Variants in ICE1 observed in about 807,000 individuals in gnomAD.
ICE1 encodes the protein interactor of little elongation complex ELL subunit 1, also known as little elongation complex subunit 1.
In ICE1, 64 loss-of-function variants were observed where a neutral mutation model predicts 192.7. That is an observed-to-expected ratio of 0.33 (90% CI 0.27 to 0.41). The LOEUF (loss-of-function observed/expected upper bound fraction) is 0.41. Among genes scored for constraint, ICE1 ranks in the 10% least tolerant of loss-of-function variants. The pLI, the probability that ICE1 is intolerant of heterozygous loss-of-function variation, is 1.00. For missense variants in ICE1, 2,708 were observed against 2,696.0 expected (o/e 1.00, Z -0.10); for synonymous variants, 1,010 against 984.5 (o/e 1.03, Z -0.49).
At chr5:5,439,604 G>A (rs1307904762) in intron 3 of ICE1, among the ~76,000 whole-genome samples, 1 of 152,122 alleles carries the variant, frequency 6.6e-6, no homozygotes, top group Non-Finnish European at 1.5e-5. Context: ...TCTATTAGTT[G>A]CATATTGCTT....
intron 14 of ICE1, among the ~76,000 whole-genome samples, chr5:5,467,312 C>T (rs1739016780): frequency 6.6e-6 from 1 of 152,090 alleles, no homozygotes; most frequent in African/African-American, 2.4e-5. Context: ...ACTGACAGGC[C>T]ATAGTCATAT....
chr5:5,444,281 G>A lies in ICE1; in HGVS notation c.387-8G>A, dbSNP rs771548544. 6.4e-6 allele frequency: 10 copies of A among 1,555,608 alleles called. No individual in the cohort carries two copies. The highest frequency in any genetic ancestry group is 4.7e-5 in the East Asian group (2 of 42,406). ...CTTGCCATTTAACTTACACAATTTC[G>A]TTATTAGGAAGAAGAAACTAGAAGC... On this transcript the variant is annotated splice_polypyrimidine_tract_variant and splice_region_variant and intron_variant, in intron 6 of 18. Coordinates refer to ENST00000296564, the MANE Select transcript of ICE1 (RefSeq NM_015325.3).
intron 10 of ICE1, among the ~76,000 whole-genome samples, chr5:5,453,753 T>C (rs1268244289): frequency 6.6e-6 from 1 of 152,232 alleles, no homozygotes; most frequent in South Asian, 2.1e-4. Flanking sequence ...TGTATTAATG[T>C]AGAAAAGCTT....
rs1424368599 is a variant in ICE1, at chr5:5,462,893, T to C, written c.3559T>C (p.Tyr1187His). 1.2e-6 allele frequency: 2 copies of C among 1,609,214 alleles called. No individual in the cohort carries two copies. The highest frequency in any genetic ancestry group is 4.5e-5 in the East Asian group (2 of 44,826). ...MFLESCQLGD[Y>H]SSGDSVSECS... ...TCTTGAGAGCTGTCAGTTAGGGGAT[T>C]ATAGTTCAGGGGACTCTGTTTCTGA... Residue 1187 changes from tyrosine to histidine, a missense_variant, in exon 13 of 19, where the codon TAT becomes CAT. Physicochemically the swap from Tyr to His is moderately conservative, Grantham distance 83. Transcript: ENST00000296564.
At chr5:5,452,235 C>T (rs1229415715) in intron 10 of ICE1, among the ~76,000 whole-genome samples, 26 of 137,740 alleles carry the variant, frequency 1.9e-4, no homozygotes, top group Non-Finnish European at 1.8e-4. Context: ...AGAGTAGGAT[C>T]TGTGAATACT....
At chr5:5,449,062 T>A (rs1368065609) in intron 10 of ICE1, among the ~76,000 whole-genome samples, 1 of 151,832 alleles carries the variant, frequency 6.6e-6, no homozygotes, top group Non-Finnish European at 1.5e-5. Context: ...TCCCAAGCCT[T>A]ACTATTCAAA....
intron 15 of ICE1, among the ~76,000 whole-genome samples, chr5:5,470,907 T>G (rs1739140818): frequency 6.6e-6 from 1 of 151,306 alleles, no homozygotes; most frequent in African/African-American, 2.4e-5. Context: ...TATCTCTAGC[T>G]TTTTTGGAAA....
intron 18 of ICE1, 134 bp from the exon 19 acceptor site, chr5:5,489,015 G>GT (rs1176402217): frequency 2.6e-6 from 2 of 777,328 alleles, no homozygotes; most frequent in Non-Finnish European, 4.0e-6. Flanking sequence ...TTTACTGTGG[G>GT]TTTTTTTATA....
intron 7 of ICE1, among the ~76,000 whole-genome samples, chr5:5,445,904 A>G (rs759650861): frequency 5.3e-5 from 8 of 151,058 alleles, no homozygotes; most frequent in Non-Finnish European, 8.8e-5. Flanking sequence ...TTATATTTTT[A>G]GTAGAGATGG....
chr5:5,489,322 C>T lies in ICE1; in HGVS notation c.6793C>T (p.Leu2265Phe). Residue 2265 changes from leucine to phenylalanine, a missense_variant, in exon 19 of 19, where the codon CTT becomes TTT. By Grantham distance (22) the Leu-to-Phe change is conservative. This residue lies in a region of ICE1 where 342 missense variants were observed against 419.3 expected (regional missense o/e 0.82). Coordinates refer to ENST00000296564, the MANE Select transcript of ICE1 (RefSeq NM_015325.3). Reference protein sequence around the residue: ...EEVSALSTEELG With the variant: ...EEVSALSTEEFG ...AGTCAGTGCCCTGAGCACAGAGGAG[C>T]TTGGCTGACCTGGGATGCCACTGAG... 6.2e-7 allele frequency: 1 copy of T among 1,605,870 alleles called. No homozygotes were observed.
In ICE1 at chr5:5,435,876, G is replaced by A. The variant is rs544917858; in HGVS notation, c.85-542G>A. On this transcript the variant is annotated intron_variant, in intron 1 of 18. Coordinates refer to ENST00000296564, the MANE Select transcript of ICE1 (RefSeq NM_015325.3). Reference sequence around the variant, plus strand: ...GTAGAGACAGGGTTTCACCATGTTGGTCAGGCTGGTCTTGAACTCCTGACC... The same window carrying A: ...GTAGAGACAGGGTTTCACCATGTTGATCAGGCTGGTCTTGAACTCCTGACC... Among the ~76,000 whole-genome samples the A allele has an allele frequency of 6.6e-5, 10 of 151,984 alleles. No homozygotes were observed. In the East Asian group the frequency reaches 1.9e-3, roughly 29 times the overall value.
At chr5:5,456,462 C>T (rs964644588) in intron 11 of ICE1, among the ~76,000 whole-genome samples, 7 of 152,144 alleles carry the variant, frequency 4.6e-5, no homozygotes, top group Admixed American at 1.3e-4. Context: ...CCATTTATTA[C>T]TTGTTTACAT....
At chr5:5,439,751 AT>A (rs1737983868) in intron 3 of ICE1, 143 bp from the exon 4 acceptor site, 2 of 502,268 alleles carry the variant, frequency 4.0e-6, no homozygotes, top group Non-Finnish European at 7.0e-6. Flanking sequence ...TTTAGATTGC[AT>A]TTTGAATATA....
chr5:5,486,689 G>A, intron 17 of ICE1, 32 bp from the exon 18 acceptor site: 1 of 1,387,076 alleles, frequency 7.2e-7, no homozygotes, highest in African/African-American at 1.4e-5. Context: ...ACATTTAACT[G>A]GACTGTTTAC....
intron 17 of ICE1, among the ~76,000 whole-genome samples, chr5:5,486,466 A>G (rs1001942798): frequency 6.6e-6 from 1 of 152,212 alleles, no homozygotes; most frequent in South Asian, 2.1e-4. Flanking sequence ...CCATAGTCTT[A>G]TCTTTGATCT....
chr5:5,441,295 C>T (rs188358825), intron 5 of ICE1, 72 bp downstream of exon 5: 73 of 944,834 alleles, frequency 7.7e-5, no homozygotes, highest in African/African-American at 6.1e-4. Flanking sequence ...ATAATTGGGA[C>T]GAGGGGGCTT....
chr5:5,478,223 C>A (rs1326092585), intron 17 of ICE1, among the ~76,000 whole-genome samples: 2 of 152,206 alleles, frequency 1.3e-5, no homozygotes, highest in African/African-American at 4.8e-5. Flanking sequence ...ATCGTCTCAG[C>A]CCAAACACTC....
chr5:5,463,063 T>C lies in ICE1; in HGVS notation c.3729T>C (p.Tyr1243=). The part of the protein sequence containing the change: ...EEWIESEEDD[Y]SLKNTSQLTQ... ...GGATTGAATCAGAGGAAGATGATTA[T>C]TCGTTAAAAAATACAAGTCAGCTCA... The change falls in exon 13 of 19, where the codon TAT becomes TAC. Residue 1243 remains tyrosine (Y), a synonymous_variant. Transcript: ENST00000296564. 1.3e-5 allele frequency: 21 copies of C among 1,613,706 alleles called. No homozygotes were observed. The highest frequency in any genetic ancestry group is 1.8e-5 in the Non-Finnish European group (21 of 1,179,798).
Position 5,444,327 on chromosome 5 carries a change from G to C in ICE1, c.424+1G>C, listed in dbSNP as rs775454051. 1 of 1,565,208 alleles carries C rather than the reference G, an allele frequency of 6.4e-7. No homozygotes were observed. On this transcript the variant is annotated splice_donor_variant, in intron 7 of 18. Transcript: ENST00000296564. LOFTEE classifies it high-confidence loss of function. ...GAAGCTAAGGTGAAGAAGCTGCAAG[G>C]TAAGTGGCACTATTGTTACCTGAAG...
Sources: gnomAD v4.1 joint callset for allele counts (sites outside exome capture counted in the v4.1 genomes callset) on GRCh38, gnomAD v4.1.1 for gene constraint, gnomAD v4.1.1 regional missense constraint, MANE v1.5 for transcripts, NCBI Gene and HGNC (gene_info 2026-07-23, HGNC 2026-07-21) for gene names.